IFNAR1: variants seen among roughly 807,000 people sequenced by gnomAD.
IFNAR1 encodes interferon alpha/beta receptor 1.
A neutral mutation model predicts 62.1 loss-of-function variants in IFNAR1; 47 were observed. The ratio of observed to expected loss-of-function variants is 0.76; its 90% CI spans 0.60 to 0.97. The LOEUF (loss-of-function observed/expected upper bound fraction) is 0.97. IFNAR1 is among the 50% of genes least tolerant of loss of function. IFNAR1 has a pLI of 0.00. For missense variants in IFNAR1, 638 were observed against 654.5 expected, an observed-to-expected ratio of 0.97 and a Z score of 0.27; for synonymous variants, 219 against 226.9, an observed-to-expected ratio of 0.97 and a Z score of 0.31.
At chr21:33,351,486 C>T (rs747427554) in intron 8 of IFNAR1, among the ~76,000 whole-genome samples, 1 of 151,940 alleles carries the variant, frequency 6.6e-6, no homozygotes, top group Non-Finnish European at 1.5e-5. Flanking sequence ...ACTACATAAT[C>T]GTTTTGTGAG....
intron 1 of IFNAR1, 33 bp from the exon 2 acceptor site, chr21:33,335,491 A>G (rs913724266): frequency 3.0e-6 from 4 of 1,314,868 alleles, no homozygotes; most frequent in African/African-American, 1.5e-5. Flanking sequence ...TACAGTTTGT[A>G]TATAATGTTC....
At chr21:33,340,105 G>A (rs544090011) in intron 2 of IFNAR1, among the ~76,000 whole-genome samples, 3 of 151,954 alleles carry the variant, frequency 2.0e-5, no homozygotes, top group East Asian at 1.9e-4. Context: ...TATCACTTCA[G>A]CTTTCTGATT....
chr21:33,352,687 T>C, intron 8 of IFNAR1, 71 bp from the exon 9 acceptor site: 1 of 819,836 alleles, frequency 1.2e-6, no homozygotes, highest in Non-Finnish European at 1.9e-6. Context: ...ACATAAAAAA[T>C]TGAGAAAGCA....
At chr21:33,349,619 AAT>A in intron 8 of IFNAR1, 76 bp downstream of exon 8, 1 of 1,133,608 alleles carries the variant, frequency 8.8e-7, no homozygotes, top group Non-Finnish European at 1.2e-6. Context: ...TTGAATGTAA[AAT>A]TTGGGGGAAA....
rs2083290010 is a variant in IFNAR1, at chr21:33,341,187, T to C, written c.376+13T>C. On this transcript the variant is annotated intron_variant, in intron 3 of 10. Coordinates refer to ENST00000270139, the MANE Select transcript of IFNAR1 (RefSeq NM_000629.3). ...CCATTTCGCAAAGGTAAGAAAAAGT[T>C]GCTAGCTGAATTATATTCTTTAGTA... 4 of 1,591,898 alleles carry C rather than the reference T, an allele frequency of 2.5e-6. No homozygotes were observed. The African/African-American group carries it at 5.4e-5, about 21-fold the overall frequency.
At chr21:33,339,643 C>T (rs923368669) in intron 2 of IFNAR1, among the ~76,000 whole-genome samples, 2 of 151,942 alleles carry the variant, frequency 1.3e-5, no homozygotes, top group South Asian at 2.1e-4. Context: ...CTAAATTGGC[C>T]GGGCATGGTG....
At chr21:33,335,085 T>A in intron 1 of IFNAR1, 1 of 857,056 alleles carries the variant, frequency 1.2e-6, no homozygotes. Context: ...TGATTGCCCC[T>A]AGGACTCAAC....
rs141913575 is a variant in IFNAR1, at chr21:33,344,407, A to G, written c.673+731A>G. On this transcript the variant is annotated intron_variant, in intron 5 of 10. Transcript: ENST00000270139. Reference sequence around the variant, plus strand: ...ATTAAGGTCAAGGGCAGGAGCTGGGATTTGTTTATTTTAATTGTAAATTTC... The same window carrying G: ...ATTAAGGTCAAGGGCAGGAGCTGGGGTTTGTTTATTTTAATTGTAAATTTC... 8.6e-3 allele frequency among the ~76,000 whole-genome samples: 1,313 copies of G among 152,124 alleles called. 10 individuals carry two copies. The highest frequency in any genetic ancestry group is 0.054 in the Middle Eastern group (16 of 294).
At chr21:33,354,247 C>T in intron 10 of IFNAR1, among the ~76,000 whole-genome samples, 1 of 152,180 alleles carries the variant, frequency 6.6e-6, no homozygotes, top group East Asian at 1.9e-4. Flanking sequence ...GAGGCTGAGG[C>T]AGGGGGATCG....
At chr21:33,350,804 A>G (rs1315665100) in intron 8 of IFNAR1, among the ~76,000 whole-genome samples, 3 of 152,212 alleles carry the variant, frequency 2.0e-5, no homozygotes, top group Non-Finnish European at 4.4e-5. Flanking sequence ...ATTGAGAATT[A>G]TGGTCGGTTT....
Position 33,340,998 on chromosome 21 carries a change from G to T in IFNAR1, c.201-1G>T, listed in dbSNP as rs1255270618. ...ATTCATTTGTTTTTTTTACTTTAAA[G>T]AACTGGGATGGATAATTGGATAAAA... On this transcript the variant is annotated splice_acceptor_variant, in intron 2 of 10. Transcript: ENST00000270139. LOFTEE classifies it high-confidence loss of function. 2 of 1,596,698 alleles carry T rather than the reference G, an allele frequency of 1.3e-6. No individual in the cohort carries two copies. The highest frequency in any genetic ancestry group is 2.7e-5 in the African/African-American group (2 of 74,200).
At chr21:33,333,451 TATCAAACC>T (rs2083200016) in intron 1 of IFNAR1, among the ~76,000 whole-genome samples, 1 of 151,988 alleles carries the variant, frequency 6.6e-6, no homozygotes, top group Non-Finnish European at 1.5e-5. Context: ...AATTAAACCT[TATCAAACC>T]ATCAAACCAC....
chr21:33,351,552 A>AT (rs752798894), intron 8 of IFNAR1, among the ~76,000 whole-genome samples: 3,598 of 138,552 alleles, frequency 0.026, 148 homozygotes, highest in African/African-American at 0.083. Context: ...ATTTTATTTT[A>AT]TTTTTTTTTT....
rs11421099 is a variant in IFNAR1 at position 33,344,765 on chromosome 21, CTTATTTATTTATTTAT to C, written c.674-458_674-443del. Among the ~76,000 whole-genome samples, 25 of 122,112 alleles carry C rather than the reference CTTATTTATTTATTTAT, an allele frequency of 2.0e-4. 1 individual carries two copies. Among genetic ancestry groups the C allele is most frequent in the East Asian group, 1.4e-3 (7 of 4,980 alleles). 80.1% of individuals were successfully genotyped at this position (122,112 alleles called of 152,430 possible). A position where few individuals can be genotyped will look rare whatever the true frequency, so the allele number is the denominator to read the frequency against. The stretch of plus-strand genomic sequence containing the variant: ...CATCTATTGCATTCTTTCTTTTTTA[CTTATTTATTTATTTAT>C]TTATTTATTTATTTATTTATTTTTG... On this transcript the variant is annotated intron_variant, in intron 5 of 10. Transcript: ENST00000270139.
chr21:33,345,183 C>A, intron 5 of IFNAR1, 63 bp from the exon 6 acceptor site: 1 of 788,748 alleles, frequency 1.3e-6, no homozygotes, highest in Non-Finnish European at 2.2e-6. Flanking sequence ...CCTTTATCTT[C>A]TTGCCAGTTA....
intron 2 of IFNAR1, 147 bp from the exon 3 acceptor site, chr21:33,340,852 A>C (rs2083285713): frequency 1.7e-6 from 1 of 571,542 alleles, no homozygotes; most frequent in Non-Finnish European, 3.1e-6. Context: ...AAGTAGAAGA[A>C]ATAACTCTTA....
At chr21:33,334,525 A>G (rs2083214416) in intron 1 of IFNAR1, 1 of 416,400 alleles carries the variant, frequency 2.4e-6, no homozygotes, top group Admixed American at 3.4e-5. Flanking sequence ...TTAGATAGAC[A>G]AAAGCTAAGG....
intron 5 of IFNAR1, among the ~76,000 whole-genome samples, 163 bp from the exon 6 acceptor site, chr21:33,345,083 C>A (rs1007669128): frequency 3.3e-5 from 5 of 152,146 alleles, no homozygotes; most frequent in Admixed American, 2.6e-4. Flanking sequence ...CCACTGCGCC[C>A]GGCCTGTAGT....
chr21:33,343,777 A>G, intron 5 of IFNAR1, 101 bp downstream of exon 5: 1 of 714,824 alleles, frequency 1.4e-6, no homozygotes, highest in South Asian at 2.2e-5. Context: ...AGGTCAATAT[A>G]TGTTAAAAAC....
Sources: gnomAD v4.1 joint callset for allele counts (sites outside exome capture counted in the v4.1 genomes callset) on GRCh38, gnomAD v4.1.1 for gene constraint, MANE v1.5 for transcripts, NCBI Gene and HGNC (gene_info 2026-07-23, HGNC 2026-07-21) for gene names.